The following TBC1D22A variants were observed in gnomAD, a reference collection of about 807,000 sequenced individuals.
TBC1D22A encodes the protein TBC1 domain family member 22A, also known as putative GTPase activator.
In TBC1D22A, 38 loss-of-function variants were observed where a neutral mutation model predicts 60.2. That is an observed-to-expected ratio of 0.63 (90% CI 0.49 to 0.83). TBC1D22A has a LOEUF of 0.83. TBC1D22A is among the 40% of genes least tolerant of loss of function. The pLI, the probability that TBC1D22A is intolerant of heterozygous loss-of-function variation, is 0.00. For synonymous variants in TBC1D22A, 302 were observed against 281.7 expected (o/e 1.07, Z -0.72); for missense variants, 628 against 701.0 (o/e 0.90, Z 1.18).
chr22:46,878,816 C>T (rs2067703003), intron 5 of TBC1D22A, 93 bp downstream of exon 5: 3 of 1,228,138 alleles, frequency 2.4e-6, no homozygotes, highest in African/African-American at 1.5e-5. Flanking sequence ...CCACAGCCCA[C>T]GGGTTTGCCT....
intron 4 of TBC1D22A, among the ~76,000 whole-genome samples, chr22:46,807,987 TAAAA>T (rs1195324906): frequency 1.4e-5 from 2 of 148,074 alleles, no homozygotes; most frequent in Admixed American, 1.3e-4. Context: ...AGCAAAAAAA[TAAAA>T]AAGAAACTTG....
chr22:46,801,545 T>C (rs1221013090), intron 4 of TBC1D22A, among the ~76,000 whole-genome samples: 3 of 152,280 alleles, frequency 2.0e-5, no homozygotes, highest in Non-Finnish European at 4.4e-5. Context: ...ACACAAAGAC[T>C]GCCTGCTTTG....
intron 9 of TBC1D22A, among the ~76,000 whole-genome samples, chr22:46,978,556 G>T (rs1259595076): frequency 1.3e-5 from 2 of 152,162 alleles, no homozygotes; most frequent in Non-Finnish European, 2.9e-5. Context: ...GCTGAAGAAT[G>T]TGAAGAAAAT....
At chr22:47,045,278 C>T (rs890318462) in intron 11 of TBC1D22A, among the ~76,000 whole-genome samples, 3 of 152,184 alleles carry the variant, frequency 2.0e-5, no homozygotes, top group African/African-American at 7.2e-5. Context: ...TGCGGGAAAA[C>T]GTGATGCAGA....
intron 8 of TBC1D22A, among the ~76,000 whole-genome samples, chr22:46,971,875 G>C (rs1013105371): frequency 1.3e-5 from 2 of 152,240 alleles, no homozygotes; most frequent in Non-Finnish European, 2.9e-5. Context: ...TCCTGCGCCA[G>C]CAGAGTTTTG....
chr22:46,958,348 G>A (rs557273933), intron 8 of TBC1D22A, among the ~76,000 whole-genome samples: 102 of 152,236 alleles, frequency 6.7e-4, no homozygotes, highest in African/African-American at 2.3e-3. Context: ...GCCCCTTCAC[G>A]TCTCCCTGTG....
intron 4 of TBC1D22A, among the ~76,000 whole-genome samples, chr22:46,841,872 G>A (rs937316938): frequency 3.1e-4 from 47 of 152,206 alleles, no homozygotes; most frequent in African/African-American, 1.1e-3. Context: ...ACTGTAACAT[G>A]TGAGGTGAAG....
At chr22:46,801,407 T>C (rs2084890239) in intron 4 of TBC1D22A, among the ~76,000 whole-genome samples, 1 of 152,384 alleles carries the variant, frequency 6.6e-6, no homozygotes, top group East Asian at 1.9e-4. Context: ...ACCTGCTGAA[T>C]ATCATTCTGT....
intron 12 of TBC1D22A, among the ~76,000 whole-genome samples, chr22:47,161,727 AG>A (rs2067991166): frequency 1.3e-5 from 2 of 152,382 alleles, no homozygotes; most frequent in Non-Finnish European, 2.9e-5. Context: ...TGTGCCAGCC[AG>A]GTGGCTCCTG....
intron 9 of TBC1D22A, among the ~76,000 whole-genome samples, chr22:46,976,582 C>T (rs1258078375): frequency 6.6e-6 from 1 of 152,238 alleles, no homozygotes; most frequent in African/African-American, 2.4e-5. Flanking sequence ...CGTGTCAGCT[C>T]CCGGACGACC....
intron 8 of TBC1D22A, among the ~76,000 whole-genome samples, chr22:46,922,321 G>T (rs554641930): frequency 9.8e-5 from 15 of 152,320 alleles, no homozygotes; most frequent in African/African-American, 3.6e-4. Context: ...ATAGTTTCAA[G>T]TGTACTCACA....
chr22:46,963,377 C>CTCATCACACTG (rs1373445843), intron 8 of TBC1D22A, among the ~76,000 whole-genome samples: 82 of 150,920 alleles, frequency 5.4e-4, no homozygotes, highest in African/African-American at 9.7e-4. Context: ...TCCCGCAGTG[C>CTCATCACACTG]CCAAGGCTGG....
intron 7 of TBC1D22A, among the ~76,000 whole-genome samples, chr22:46,897,629 T>C (rs1381996767): frequency 2.1e-5 from 3 of 146,122 alleles, no homozygotes; most frequent in Non-Finnish European, 3.0e-5. Flanking sequence ...TTTTTTGTTT[T>C]GTTTCGTTTT....
chr22:47,021,911 C>T (rs1185429921), intron 10 of TBC1D22A, among the ~76,000 whole-genome samples: 1 of 152,222 alleles, frequency 6.6e-6, no homozygotes, highest in African/African-American at 2.4e-5. Flanking sequence ...CCACCCCGCC[C>T]ACTGTTGGCA....
chr22:46,951,524 C>T (rs1263270490), intron 8 of TBC1D22A, among the ~76,000 whole-genome samples: 1 of 152,206 alleles, frequency 6.6e-6, no homozygotes, highest in Non-Finnish European at 1.5e-5. Flanking sequence ...GATGGGACAT[C>T]TGCACGGACA....
chr22:46,801,278 G>A (rs1038881141), intron 4 of TBC1D22A, among the ~76,000 whole-genome samples: 8 of 152,212 alleles, frequency 5.3e-5, no homozygotes, highest in Non-Finnish European at 1.2e-4. Context: ...AGTTAAGATA[G>A]CTTTGGAAGA....
intron 5 of TBC1D22A, among the ~76,000 whole-genome samples, chr22:46,887,483 A>G (rs890512483): frequency 1.3e-5 from 2 of 152,252 alleles, no homozygotes; most frequent in Non-Finnish European, 2.9e-5. Flanking sequence ...GTACTGTAAA[A>G]GGGAGCTTCA....
chr22:47,034,511 C>T (rs984907546), intron 10 of TBC1D22A, among the ~76,000 whole-genome samples: 3 of 152,136 alleles, frequency 2.0e-5, no homozygotes, highest in East Asian at 1.9e-4. Flanking sequence ...GATGAAGACA[C>T]GATGATGTCC....
At position 46,894,699 on chromosome 22, in the gene TBC1D22A, C is replaced by T. The variant is rs561260945; in HGVS notation, c.838-85C>T. ...GGGGTAGAGGCCGGGGAAGGACTTA[C>T]CTCAGTATTGCTGTTTTAATCATAT... On this transcript the variant is annotated intron_variant, in intron 6 of 12. Coordinates refer to ENST00000337137, the MANE Select transcript of TBC1D22A (RefSeq NM_014346.5). 3.3e-6 allele frequency: 5 copies of T among 1,519,338 alleles called. No individual in the cohort carries two copies. The South Asian group carries it at 3.4e-5, about 10-fold the overall frequency. The allele number at this position is 1,519,338 out of a possible 1,614,324, so 94.1% of individuals were successfully genotyped here.
Sources: allele counts gnomAD v4.1 joint callset (sites outside exome capture counted in the v4.1 genomes callset), GRCh38; gene constraint gnomAD v4.1.1; transcripts MANE v1.5; gene names NCBI Gene and HGNC (gene_info 2026-07-23, HGNC 2026-07-21).